Variants in MYO15B observed in about 807,000 individuals in gnomAD.
The protein encoded by MYO15B is myosin XVB.
A neutral mutation model predicts 119.3 loss-of-function variants in MYO15B; 207 were observed. The observed-to-expected ratio is 1.73, with a 90% CI of 1.55 to 1.95. MYO15B has a LOEUF of 1.95. Ranked by LOEUF, MYO15B falls within the 30% of genes most tolerant of loss-of-function variation. The pLI is 0.00. For synonymous variants in MYO15B, 966 were observed against 498.9 expected, an observed-to-expected ratio of 1.94 and a Z score of -12.48; for missense variants, 2,264 against 1,203.1, an observed-to-expected ratio of 1.88 and a Z score of -13.04.
Position 75,624,808 on chromosome 17 carries a change from C to G in MYO15B, c.8580C>G (p.Leu2860=), listed in dbSNP as rs764682198. The G allele has an allele frequency of 2.4e-5, 17 of 702,894 alleles. No individual in the cohort carries two copies. In the South Asian group the frequency reaches 2.5e-4, roughly 10 times the overall value. 43.5% of individuals were successfully genotyped at this position (702,894 alleles called of 1,614,324 possible). The change falls in exon 59 of 64, where the codon CTC becomes CTG. Residue 2860 remains leucine (L), a synonymous_variant. Coordinates refer to ENST00000645453, the Ensembl canonical transcript of MYO15B. ...GGCCCCTGCAGCCCGCCGAATACCT[C>G]AACAGCGTGGTAGTGGACCAGGACG... is the stretch of plus-strand genomic sequence containing the variant.
chr17:75,598,626 A>G (rs1013194176), intron 14 of MYO15B, among the ~76,000 whole-genome samples: 7 of 152,158 alleles, frequency 4.6e-5, no homozygotes, highest in African/African-American at 1.7e-4. Context: ...TATTAATGCA[A>G]TACATGTCTT....
exon 29 of MYO15B, chr17:75,613,721 C>T (rs896989207): frequency 1.7e-5 from 12 of 702,364 alleles, no homozygotes; most frequent in African/African-American, 5.2e-5. Flanking sequence ...GCTACTCGGC[C>T]GAGGTGGAGT....
exon 48 of MYO15B, chr17:75,620,275 C>A (rs1318009694): frequency 1.4e-6 from 1 of 703,042 alleles, no homozygotes; most frequent in South Asian, 1.5e-5. Context: ...CCCTGCGCAG[C>A]TACATCACTG....
At chr17:75,609,283 T>A (rs1166914536) in intron 21 of MYO15B, among the ~76,000 whole-genome samples, 1 of 151,616 alleles carries the variant, frequency 6.6e-6, no homozygotes, top group Non-Finnish European at 1.5e-5. Context: ...TCATAGCTCC[T>A]ACCTCAGCCT....
chr17:75,615,068 C>A, intron 33 of MYO15B, 26 bp downstream of exon 33: 1 of 699,174 alleles, frequency 1.4e-6, no homozygotes, highest in South Asian at 1.5e-5. Flanking sequence ...ATTCCTCACC[C>A]AGGGCCTCCG....
Position 75,589,649 on chromosome 17 carries a change from C to G in MYO15B, c.1592C>G (p.Pro531Arg), listed in dbSNP as rs2056314559. The G allele has an allele frequency of 2.5e-6, 1 of 398,850 alleles. No individual in the cohort carries two copies. Among genetic ancestry groups the G allele is most frequent in the Non-Finnish European group, 4.4e-6 (1 of 226,074 alleles). The allele number at this position is 398,850 out of a possible 1,614,324, so 24.7% of individuals were successfully genotyped here. Residue 531 changes from proline to arginine, a missense_variant, in exon 1 of 64, where the codon CCT becomes CGT. Pro to Arg is a moderately radical substitution (Grantham distance 103). Coordinates refer to ENST00000645453, the Ensembl canonical transcript of MYO15B. The surrounding 1 kb of genome is among the most constrained non-coding windows in gnomAD (Gnocchi z 4.2). The stretch of plus-strand genomic sequence containing the variant: ...CCGACAAGCCCAGTCCCCGGCGACC[C>G]TTTTGATCAGGAGGACGAGACTCCA...
chr17:75,587,827 T>C (rs1482840964), exon 1 of MYO15B, among the ~76,000 whole-genome samples: 2 of 152,226 alleles, frequency 1.3e-5, no homozygotes, highest in Non-Finnish European at 2.9e-5. Context: ...AGCTGTAGCG[T>C]CTCCTGTTTC....
intron 15 of MYO15B, among the ~76,000 whole-genome samples, chr17:75,601,866 G>A (rs971104310): frequency 2.0e-5 from 3 of 152,370 alleles, no homozygotes; most frequent in East Asian, 1.9e-4. Flanking sequence ...TTCCTCACCT[G>A]TAAAATGGGT....
chr17:75,623,806 A>G lies in MYO15B; in HGVS notation c.8108A>G (p.Asp2703Gly), dbSNP rs575697343. The G allele has an allele frequency of 3.0e-3, 2,089 of 702,932 alleles. 5 individuals carry two copies. The highest frequency in any genetic ancestry group is 4.8e-3 in the Non-Finnish European group (1,844 of 384,978). 43.5% of individuals were successfully genotyped at this position (702,932 alleles called of 1,614,324 possible). A position where few individuals can be genotyped will look rare whatever the true frequency, so the allele number is the denominator to read the frequency against. Reference sequence around the variant, plus strand: ...CTGTGCCAGCAGGAGAAGCTGAGGGATGAGATTTACTGCCAGGTTATCAAG... The same window carrying G: ...CTGTGCCAGCAGGAGAAGCTGAGGGGTGAGATTTACTGCCAGGTTATCAAG... Residue 2703 changes from aspartate (D) to glycine (G), a missense_variant, in exon 54 of 64, where the codon GAT becomes GGT. Transcript: ENST00000645453.
intron 5 of MYO15B, 63 bp downstream of exon 5, chr17:75,591,775 A>C: frequency 1.4e-6 from 1 of 702,008 alleles, no homozygotes; most frequent in Non-Finnish European, 2.6e-6. Context: ...TCCAGGGGAC[A>C]GCTGACCATG....
Position 75,594,605 on chromosome 17 carries a change from T to C in MYO15B, c.3105+17T>C, listed in dbSNP as rs1188262405. 1 of 687,114 alleles carries C rather than the reference T, an allele frequency of 1.5e-6. No homozygotes were observed. Among genetic ancestry groups the C allele is most frequent in the East Asian group, 2.7e-5 (1 of 37,204 alleles). The allele number at this position is 687,114 out of a possible 1,614,324, so 42.6% of individuals were successfully genotyped here. ...AGGGTCACGGTGAGCCCGAGGGTCC[T>C]GGGGAGAGGGGCCTGGCCTGGCTGA... On this transcript the variant is annotated intron_variant, in intron 10 of 63. Coordinates refer to ENST00000645453, the Ensembl canonical transcript of MYO15B.
intron 14 of MYO15B, among the ~76,000 whole-genome samples, chr17:75,599,315 C>T (rs919227022): frequency 2.0e-5 from 3 of 150,632 alleles, no homozygotes; most frequent in African/African-American, 7.4e-5. Flanking sequence ...CTCGCTGTTG[C>T]CCAGGTTGGA....
intron 41 of MYO15B, 93 bp from the exon 42 acceptor site, chr17:75,617,716 AG>A (rs1458018991): frequency 3.3e-6 from 2 of 614,612 alleles, no homozygotes; most frequent in African/African-American, 1.8e-5. Context: ...GGCCCTTGGA[AG>A]GCTCGTGGGG....
In MYO15B at chr17:75,592,425, A is replaced by G; in HGVS notation, c.2716-3A>G. On this transcript the variant is annotated splice_region_variant and splice_polypyrimidine_tract_variant and intron_variant, in intron 7 of 63. Transcript: ENST00000645453. ...GAGCCCCTAAGCCAGTCCTGTCCCC[A>G]AGGCCCAGGCTGAGCGGAGCTTCCA... 1 of 637,024 alleles carries G rather than the reference A, an allele frequency of 1.6e-6. No homozygotes were observed. The highest frequency in any genetic ancestry group is 1.8e-5 in the South Asian group (1 of 56,528). 39.5% of individuals were successfully genotyped at this position (637,024 alleles called of 1,614,324 possible). A position where few individuals can be genotyped will look rare whatever the true frequency, so the allele number is the denominator to read the frequency against.
At chr17:75,588,148 G>C (rs543639162) in exon 1 of MYO15B, 2 of 398,012 alleles carry the variant, frequency 5.0e-6, no homozygotes, top group African/African-American at 4.1e-5. Context: ...GGCCAGCGCG[G>C]ATGGCGCGCC....
rs1381645209 is a variant in MYO15B at position 75,594,980 on chromosome 17, C to G, written c.3297+8C>G. On this transcript the variant is annotated splice_region_variant and intron_variant, in intron 12 of 63. Transcript: ENST00000645453. Reference sequence around the variant, plus strand: ...GATGCCTACGGCTTTGAGGTCACCCCTTGGGGTGGGGCCCAGGAAAGGGGG... The same window carrying G: ...GATGCCTACGGCTTTGAGGTCACCCGTTGGGGTGGGGCCCAGGAAAGGGGG... 1 of 702,770 alleles carries G rather than the reference C, an allele frequency of 1.4e-6. No individual in the cohort carries two copies. The highest frequency in any genetic ancestry group is 2.7e-5 in the East Asian group (1 of 37,300). 43.5% of individuals were successfully genotyped at this position (702,770 alleles called of 1,614,324 possible).
In MYO15B at chr17:75,592,319, A is replaced by T. The variant is rs75981970; in HGVS notation, c.2715+18A>T. ...TGTTTCAGGTAAAGGCAGCCCTTCT[A>T]TCCACCCCTGCCCAGTTCCCAGAGT... is the stretch of plus-strand genomic sequence containing the variant. On this transcript the variant is annotated intron_variant, in intron 7 of 63. Transcript: ENST00000645453. 1.3e-5 allele frequency: 9 copies of T among 702,572 alleles called. No individual in the cohort carries two copies. The highest frequency in any genetic ancestry group is 2.3e-5 in the Non-Finnish European group (9 of 384,908). The allele number at this position is 702,572 out of a possible 1,614,324, so 43.5% of individuals were successfully genotyped here.
At chr17:75,618,013 C>A in intron 42 of MYO15B, 91 bp downstream of exon 42, 1 of 690,668 alleles carries the variant, frequency 1.4e-6, no homozygotes, top group Non-Finnish European at 2.7e-6. Flanking sequence ...CCCCAGCATC[C>A]CCTCCCCACA....
In MYO15B at chr17:75,625,168, G is replaced by A. The variant is rs184948444; in HGVS notation, c.8734G>A (p.Ala2912Thr). 4.4e-5 allele frequency: 31 copies of A among 702,482 alleles called. No individual in the cohort carries two copies. In the Admixed American group the frequency reaches 6.2e-4, roughly 14 times the overall value. The allele number at this position is 702,482 out of a possible 1,614,324, so 43.5% of individuals were successfully genotyped here. ...GGGGAAGCTGCCAGTCAGCGCCAAG[G>A]CAGACGCGCAGCTCGCCAGGCTGGC... The change falls in exon 60 of 64, where the codon GCA (alanine) becomes ACA (threonine). Residue 2912 changes from alanine to threonine, a missense_variant. Coordinates refer to ENST00000645453, the Ensembl canonical transcript of MYO15B.
Sources: allele counts gnomAD v4.1 joint callset (sites outside exome capture counted in the v4.1 genomes callset), GRCh38; gene constraint gnomAD v4.1.1; non-coding constraint Gnocchi (gnomAD v3.1); transcripts MANE v1.5; gene names NCBI Gene and HGNC (gene_info 2026-07-23, HGNC 2026-07-21).